The following MSI2 variants were observed in gnomAD, a reference collection of about 807,000 sequenced individuals.
The protein encoded by MSI2 is RNA-binding protein Musashi homolog 2.
Under a neutral mutation model 45.6 loss-of-function variants are expected in MSI2, and 17 were observed. That is an observed-to-expected ratio of 0.37 (90% CI 0.26 to 0.56). The LOEUF is 0.56. Among genes scored for constraint, MSI2 ranks in the 20% least tolerant of loss-of-function variants. The pLI, the probability that MSI2 is intolerant of heterozygous loss-of-function variation, is 0.77. For synonymous variants in MSI2, 156 were observed against 158.2 expected (o/e 0.99, Z 0.11); for missense variants, 293 against 444.2 (o/e 0.66, Z 3.06).
rs186621281 is a variant in MSI2, at chr17:57,292,989, C to T, written c.312+30797C>T. Reference sequence around the variant, plus strand: ...GTACCAAAGGTTTCAGAAAAAGACCCGTTTAAGTAGTAAGCTGACCTTCTG... The same window carrying T: ...GTACCAAAGGTTTCAGAAAAAGACCTGTTTAAGTAGTAAGCTGACCTTCTG... On this transcript the variant is annotated intron_variant, in intron 5 of 13. Coordinates refer to ENST00000284073, the MANE Select transcript of MSI2 (RefSeq NM_138962.4). 1.1e-4 allele frequency among the ~76,000 whole-genome samples: 17 copies of T among 152,130 alleles called. No individual in the cohort carries two copies. In the East Asian group the frequency reaches 2.3e-3, roughly 21 times the overall value.
intron 5 of MSI2, among the ~76,000 whole-genome samples, chr17:57,385,240 T>G (rs2083665149): frequency 6.6e-6 from 1 of 152,230 alleles, no homozygotes; most frequent in South Asian, 2.1e-4. Flanking sequence ...GTCTACAGGA[T>G]GAAGTCCAGT....
intron 6 of MSI2, among the ~76,000 whole-genome samples, chr17:57,421,952 T>A (rs2084404331): frequency 6.6e-6 from 1 of 152,212 alleles, no homozygotes; most frequent in African/African-American, 2.4e-5. Flanking sequence ...GCTGCAGTGT[T>A]TGACATTTTG....
chr17:57,463,346 T>A (rs924222038), intron 6 of MSI2, among the ~76,000 whole-genome samples: 7 of 152,184 alleles, frequency 4.6e-5, no homozygotes, highest in Non-Finnish European at 1.0e-4. Context: ...AAATTTGATC[T>A]TGGGGAATTT....
At chr17:57,458,432 T>C (rs1278696640) in intron 6 of MSI2, among the ~76,000 whole-genome samples, 1 of 152,210 alleles carries the variant, frequency 6.6e-6, no homozygotes, top group Non-Finnish European at 1.5e-5. Context: ...TGTATACATA[T>C]TTTAATCTCT....
chr17:57,641,379 A>C (rs574371935), intron 10 of MSI2, among the ~76,000 whole-genome samples: 1 of 152,216 alleles, frequency 6.6e-6, no homozygotes, highest in East Asian at 1.9e-4. Context: ...GCTGTGGCGG[A>C]TTCATTGAAA....
intron 11 of MSI2, among the ~76,000 whole-genome samples, chr17:57,673,769 T>G (rs1283182135): frequency 6.6e-6 from 1 of 151,976 alleles, no homozygotes; most frequent in Non-Finnish European, 1.5e-5. Flanking sequence ...ACCCCACCAC[T>G]CTCTGGATTT....
chr17:57,278,849 G>A (rs942214530), intron 5 of MSI2: 4 of 152,234 alleles, frequency 2.6e-5, no homozygotes, highest in East Asian at 1.9e-4. Context: ...CTGATGAGAT[G>A]GTTTTAAGTT....
chr17:57,643,610 G>A lies in MSI2; in HGVS notation c.728-8489G>A, dbSNP rs145218724. ...TGAGGATTTCTCTGTTGCTTCCCAG[G>A]GGTGCTGCCTAACTTCTATTTTATG... On this transcript the variant is annotated intron_variant, in intron 10 of 13. Transcript: ENST00000284073. Among the ~76,000 whole-genome samples, 8 of 152,324 alleles carry A rather than the reference G, an allele frequency of 5.3e-5. No homozygotes were observed. In the South Asian group the frequency reaches 1.7e-3, roughly 32 times the overall value.
chr17:57,345,496 G>GTA (rs1915525683), intron 5 of MSI2, among the ~76,000 whole-genome samples: 1 of 152,208 alleles, frequency 6.6e-6, no homozygotes, highest in East Asian at 1.9e-4. Context: ...AAGAGGTAGT[G>GTA]TAGCATATAC....
intron 6 of MSI2, among the ~76,000 whole-genome samples, chr17:57,499,604 A>G (rs1026970646): frequency 3.9e-5 from 6 of 152,224 alleles, no homozygotes; most frequent in Admixed American, 1.3e-4. Context: ...CAAATCACCC[A>G]AAAACTTGTT....
In MSI2 at chr17:57,635,315, C is replaced by T. The variant is rs116333136; in HGVS notation, c.727+8012C>T. Among the ~76,000 whole-genome samples, 1,081 of 152,378 alleles carry T rather than the reference C, an allele frequency of 7.1e-3. 12 individuals carry two copies. Among genetic ancestry groups the T allele is most frequent in the African/African-American group, 0.024 (992 of 41,584 alleles). On this transcript the variant is annotated intron_variant, in intron 10 of 13. Transcript: ENST00000284073. ...CACATACAGAAGTGATGTGGTCGAA[C>T]TTCCATAGTGAGTCAGAGGGGTTTG...
In MSI2 at chr17:57,407,294, C is replaced by T. The variant is rs909782233; in HGVS notation, c.405+5823C>T. ...AGCTCCGGGGTTTTCTGTGCAGGTGCGAAGCTGCATTCATGGCCCCCACTC... is the reference window on the plus strand; with the variant it reads ...AGCTCCGGGGTTTTCTGTGCAGGTGTGAAGCTGCATTCATGGCCCCCACTC... On this transcript the variant is annotated intron_variant, in intron 6 of 13. Transcript: ENST00000284073. The surrounding 1 kb of genome is among the most constrained non-coding windows in gnomAD (Gnocchi z 4.1). 2.0e-5 allele frequency among the ~76,000 whole-genome samples: 3 copies of T among 151,892 alleles called. No homozygotes were observed. The highest frequency in any genetic ancestry group is 7.3e-5 in the African/African-American group (3 of 41,316).
rs1481971003 is a variant in MSI2, at chr17:57,596,842, T to TTTTTCTTCTCTCTCTTTTCC, written c.455-22_455-3dup. Reference sequence around the variant, plus strand: ...CTGAACTCACCCCGCCTCTCTTTGTTTTTTCTTCTCTCTCTTTTCCTTTAG... The same window carrying TTTTTCTTCTCTCTCTTTTCC: ...CTGAACTCACCCCGCCTCTCTTTGTTTTTTCTTCTCTCTCTTTTCCTTTTCTTCTCTCTCTTTTCCTTTAG... On this transcript the variant is annotated intron_variant, in intron 7 of 13. Transcript: ENST00000284073. The surrounding 1 kb of genome is among the most constrained non-coding windows in gnomAD (Gnocchi z 4.6). 5.0e-6 allele frequency: 8 copies of TTTTTCTTCTCTCTCTTTTCC among 1,585,176 alleles called. No homozygotes were observed. Among genetic ancestry groups the TTTTTCTTCTCTCTCTTTTCC allele is most frequent in the Non-Finnish European group, 6.9e-6 (8 of 1,154,264 alleles).
At chr17:57,366,370 C>T (rs12937917) in intron 5 of MSI2, among the ~76,000 whole-genome samples, 2 of 152,194 alleles carry the variant, frequency 1.3e-5, no homozygotes, top group Admixed American at 1.3e-4. Context: ...CTTCCCTCCC[C>T]TGAAGGGATC....
intron 11 of MSI2, among the ~76,000 whole-genome samples, chr17:57,663,742 G>T (rs1912173836): frequency 6.6e-6 from 1 of 152,168 alleles, no homozygotes; most frequent in African/African-American, 2.4e-5. Context: ...TCAGCTCCAG[G>T]TGTGTAAAAT....
At chr17:57,485,551 G>T (rs529238303) in intron 6 of MSI2, among the ~76,000 whole-genome samples, 2 of 151,282 alleles carry the variant, frequency 1.3e-5, no homozygotes, top group African/African-American at 2.4e-5. Flanking sequence ...ACATGGAGCT[G>T]CTCAGGAAAG....
intron 5 of MSI2, among the ~76,000 whole-genome samples, chr17:57,388,907 G>A (rs2083732615): frequency 6.6e-6 from 1 of 151,530 alleles, no homozygotes; most frequent in African/African-American, 2.4e-5. Context: ...ACCTGCCTCT[G>A]CCTCCCAGAG....
chr17:57,346,348 T>TGC (rs368192357), intron 5 of MSI2, among the ~76,000 whole-genome samples: 1 of 128,342 alleles, frequency 7.8e-6, no homozygotes, highest in Admixed American at 7.7e-5. Context: ...TAACACATTT[T>TGC]GGGGGGGGGG....
chr17:57,366,895 C>T (rs188759513), intron 5 of MSI2, among the ~76,000 whole-genome samples: 4 of 152,252 alleles, frequency 2.6e-5, no homozygotes, highest in Admixed American at 6.5e-5. Flanking sequence ...GCTAGTCTGT[C>T]GTTACCAACA....
Sources: allele counts gnomAD v4.1 joint callset (sites outside exome capture counted in the v4.1 genomes callset), GRCh38; gene constraint gnomAD v4.1.1; non-coding constraint Gnocchi (gnomAD v3.1); transcripts MANE v1.5; gene names NCBI Gene and HGNC (gene_info 2026-07-23, HGNC 2026-07-21).